The following TIMP2 variants were observed in gnomAD, a reference collection of about 807,000 sequenced individuals.
TIMP2 encodes the protein TIMP metallopeptidase inhibitor 2.
In TIMP2, 5 loss-of-function variants were observed where a neutral mutation model predicts 24.3. The observed-to-expected ratio is 0.21, with a 90% CI of 0.11 to 0.43. The LOEUF (loss-of-function observed/expected upper bound fraction) is 0.43. TIMP2 is among the 20% of genes least tolerant of loss of function. The pLI is 1.00. For missense variants in TIMP2, 221 were observed against 297.5 expected (o/e 0.74, Z 1.89); for synonymous variants, 130 against 123.2 (o/e 1.06, Z -0.37).
At chr17:78,884,004 A>T (rs1258672293) in intron 1 of TIMP2, among the ~76,000 whole-genome samples, 2 of 152,224 alleles carry the variant, frequency 1.3e-5, no homozygotes, top group African/African-American at 4.8e-5. Flanking sequence ...GGATTTGCTG[A>T]GAACAGTGCG....
chr17:78,893,840 C>T (rs1057010735), intron 1 of TIMP2, among the ~76,000 whole-genome samples: 1 of 151,996 alleles, frequency 6.6e-6, no homozygotes, highest in African/African-American at 2.4e-5. Flanking sequence ...GCAGGCCTTC[C>T]TAGGAAAGGA....
intron 1 of TIMP2, among the ~76,000 whole-genome samples, chr17:78,909,358 T>TAAA (rs528903946): frequency 0.014 from 2,069 of 144,136 alleles, 49 homozygotes; most frequent in African/African-American, 0.05. Flanking sequence ...CTCATCTCTT[T>TAAA]AAAAAAAAAA....
rs1182612069 is a variant in TIMP2 at position 78,901,690 on chromosome 17, GGAT to G, written c.130+23266_130+23268del. 50 of 715,950 alleles carry G rather than the reference GGAT, an allele frequency of 7.0e-5. No individual in the cohort carries two copies. In the East Asian group the frequency reaches 1.2e-3, roughly 18 times the overall value. The allele number at this position is 715,950 out of a possible 1,614,324, so 44.3% of individuals were successfully genotyped here. ...TGCCTCAGTTTGCTCTTTAGGATGG[GGAT>G]GATAACAACAGCAGCACCCATCTAC... On this transcript the variant is annotated intron_variant, in intron 1 of 4. Coordinates refer to ENST00000262768, the MANE Select transcript of TIMP2 (RefSeq NM_003255.5).
At chr17:78,898,801 A>ACG (rs1252179422) in intron 1 of TIMP2, 1 of 152,124 alleles carries the variant, frequency 6.6e-6, no homozygotes, top group East Asian at 1.9e-4. Context: ...GCAGTGGTGC[A>ACG]ATCTCAGCTC....
chr17:78,912,452 G>T (rs2070217528), intron 1 of TIMP2, among the ~76,000 whole-genome samples: 1 of 152,174 alleles, frequency 6.6e-6, no homozygotes, highest in South Asian at 2.1e-4. Flanking sequence ...TGTCCCTGAA[G>T]ATGCAGTAAG....
Position 78,924,185 on chromosome 17 carries a change from G to T in TIMP2, c.130+774C>A, listed in dbSNP as rs545685912. ...CCTCCATGGCGCCTGTCTTTTGGGGGCTAGGAGTCCGGAGGTCATGGGTAT... is the reference window on the plus strand; with the variant it reads ...CCTCCATGGCGCCTGTCTTTTGGGGTCTAGGAGTCCGGAGGTCATGGGTAT... On this transcript the variant is annotated intron_variant, in intron 1 of 4. Coordinates refer to ENST00000262768, the MANE Select transcript of TIMP2 (RefSeq NM_003255.5). The surrounding 1 kb of genome is among the most constrained non-coding windows in gnomAD (Gnocchi z 5.3). Among the ~76,000 whole-genome samples the T allele has an allele frequency of 7.0e-3, 1,066 of 152,338 alleles. 6 individuals are homozygous for T. The highest frequency in any genetic ancestry group is 0.013 in the Non-Finnish European group (880 of 68,030).
rs1229387664 is a variant in TIMP2, at chr17:78,899,953, C to G, written c.130+25006G>C. 6 of 152,330 alleles carry G rather than the reference C, an allele frequency of 3.9e-5. No individual in the cohort carries two copies. The East Asian group carries it at 1.2e-3, about 29-fold the overall frequency. The allele number at this position is 152,330 out of a possible 1,614,324, so 9.4% of individuals were successfully genotyped here. A position where few individuals can be genotyped will look rare whatever the true frequency, so the allele number is the denominator to read the frequency against. ...TAGCTGGCATCGGCCAGAGAGAGAA[C>G]ATTTCCATATAATTAGAGCTTACCC... On this transcript the variant is annotated intron_variant, in intron 1 of 4. Transcript: ENST00000262768.
chr17:78,925,037 C>T lies in TIMP2; in HGVS notation c.52G>A (p.Ala18Thr). 3 of 1,251,666 alleles carry T rather than the reference C, an allele frequency of 2.4e-6. No homozygotes were observed. The highest frequency in any genetic ancestry group is 2.0e-6 in the Non-Finnish European group (2 of 991,226). The allele number at this position is 1,251,666 out of a possible 1,614,324, so 77.5% of individuals were successfully genotyped here. Residue 18 changes from alanine (A) to threonine (T), a missense_variant, in exon 1 of 5, where the codon GCG (alanine) becomes ACG (threonine). Physicochemically the swap from Ala to Thr is moderately conservative, Grantham distance 58. Transcript: ENST00000262768. ...GCGTCGGCCGGGCGAAGCAGCGTCGCCAGCAGCAGGAGGCCGAGCGCCAGC... is the reference window on the plus strand; with the variant it reads ...GCGTCGGCCGGGCGAAGCAGCGTCGTCAGCAGCAGGAGGCCGAGCGCCAGC... ...LRLALGLLLL[A>T]TLLRPADACS...
chr17:78,917,588 G>A (rs1249188738), intron 1 of TIMP2, among the ~76,000 whole-genome samples: 3 of 152,220 alleles, frequency 2.0e-5, no homozygotes, highest in Non-Finnish European at 4.4e-5. Context: ...CCTAACTGGT[G>A]AGGTCTGGAG....
intron 1 of TIMP2, among the ~76,000 whole-genome samples, chr17:78,919,823 G>C (rs2070295482): frequency 6.6e-6 from 1 of 151,114 alleles, no homozygotes; most frequent in Non-Finnish European, 1.5e-5. Context: ...GACAGAGTGA[G>C]ACTCCATCTC....
intron 3 of TIMP2, among the ~76,000 whole-genome samples, chr17:78,870,409 C>CT (rs2069668608): frequency 1.0e-5 from 1 of 98,940 alleles, no homozygotes; most frequent in African/African-American, 3.6e-5. Context: ...GAGCGACACT[C>CT]TGTCTCAAAA....
At chr17:78,879,124 G>A (rs1488840100) in intron 1 of TIMP2, among the ~76,000 whole-genome samples, 1 of 152,210 alleles carries the variant, frequency 6.6e-6, no homozygotes, top group African/African-American at 2.4e-5. Flanking sequence ...TGAAGAGAGG[G>A]TACAGGGTGA....
intron 3 of TIMP2, among the ~76,000 whole-genome samples, chr17:78,859,868 T>C (rs1157175840): frequency 6.6e-6 from 1 of 152,042 alleles, no homozygotes; most frequent in Middle Eastern, 3.4e-3. Flanking sequence ...CGTGGGTACC[T>C]GTAATCCCAG....
chr17:78,904,184 G>C (rs1490321549), intron 1 of TIMP2: 1 of 150,892 alleles, frequency 6.6e-6, no homozygotes, highest in African/African-American at 2.5e-5. Context: ...CCCCTGCCTC[G>C]ACCTCCCAAA....
chr17:78,864,762 A>C (rs1037963411), intron 3 of TIMP2, among the ~76,000 whole-genome samples: 1 of 152,034 alleles, frequency 6.6e-6, no homozygotes, highest in Non-Finnish European at 1.5e-5. Context: ...AAAGAAATAA[A>C]ATCTACCAGC....
intron 1 of TIMP2, among the ~76,000 whole-genome samples, chr17:78,907,386 A>T (rs982572392): frequency 1.3e-5 from 2 of 152,150 alleles, no homozygotes; most frequent in African/African-American, 4.8e-5. Flanking sequence ...GTGTCTCAGG[A>T]AAGAGGGAGG....
At chr17:78,871,039 A>C in intron 2 of TIMP2, 33 bp from the exon 3 acceptor site, 1 of 1,576,124 alleles carries the variant, frequency 6.3e-7, no homozygotes, top group Non-Finnish European at 8.7e-7. Flanking sequence ...ATGTAAGCAG[A>C]GGGAGGCCAC....
intron 1 of TIMP2, chr17:78,892,128 C>T (rs542640508): frequency 1.2e-5 from 18 of 1,551,018 alleles, no homozygotes; most frequent in Admixed American, 9.8e-5. Flanking sequence ...AGGCCACCGA[C>T]GTGCAGGTGC....
intron 1 of TIMP2, chr17:78,901,814 C>T (rs1266017127): frequency 1.4e-6 from 1 of 715,950 alleles, no homozygotes; most frequent in Non-Finnish European, 2.6e-6. Context: ...CTGAGCTAGA[C>T]CACCCAGAAC....
Sources: allele counts gnomAD v4.1 joint callset (sites outside exome capture counted in the v4.1 genomes callset), GRCh38; gene constraint gnomAD v4.1.1; non-coding constraint Gnocchi (gnomAD v3.1); transcripts MANE v1.5; gene names NCBI Gene and HGNC (gene_info 2026-07-23, HGNC 2026-07-21).